The following FAM53A variants were observed in gnomAD, a reference collection of about 807,000 sequenced individuals.
FAM53A encodes the protein family with sequence similarity 53 member A.
Under a neutral mutation model 26.6 loss-of-function variants are expected in FAM53A, and 28 were observed. That is an observed-to-expected ratio of 1.05 (90% CI 0.78 to 1.45). The LOEUF is 1.45. FAM53A is among the 40% of genes most tolerant of loss of function. FAM53A has a pLI of 0.00. For synonymous variants in FAM53A, 290 were observed against 253.1 expected, an observed-to-expected ratio of 1.15 and a Z score of -1.38; for missense variants, 650 against 575.8, an observed-to-expected ratio of 1.13 and a Z score of -1.32.
downstream of FAM53A, among the ~76,000 whole-genome samples, chr4:1,635,290 T>C (rs1341369841): frequency 1.3e-5 from 2 of 152,146 alleles, no homozygotes; most frequent in Non-Finnish European, 2.9e-5. Context: ...TTTTGTTTTT[T>C]TGAGACAGGG....
At chr4:1,609,123 G>A in the FAM53A span, among the ~76,000 whole-genome samples, 1 of 152,114 alleles carries the variant, frequency 6.6e-6, no homozygotes, top group African/African-American at 2.4e-5. Context: ...CTCTGGGAGA[G>A]AGGGCTGTCC....
At position 1,661,236 on chromosome 4, in the gene FAM53A, C is replaced by T. The variant is rs375818960; in HGVS notation, c.76-3768G>A. ...CCAGGCTCCCACCCTCACAGGCTCCCACGGCCATGGGAACCTCCACCTGGC... is the reference window on the plus strand; with the variant it reads ...CCAGGCTCCCACCCTCACAGGCTCCTACGGCCATGGGAACCTCCACCTGGC... On this transcript the variant is annotated intron_variant, in intron 2 of 4. Coordinates refer to ENST00000308132, the MANE Select transcript of FAM53A (RefSeq NM_001174070.3). Among the ~76,000 whole-genome samples the T allele has an allele frequency of 6.3e-4, 96 of 152,274 alleles. 1 individual carries two copies. Among genetic ancestry groups the T allele is most frequent in the Middle Eastern group, 3.4e-3 (1 of 294 alleles).
upstream of FAM53A, among the ~76,000 whole-genome samples, chr4:1,685,778 G>C (rs1649066390): frequency 6.6e-6 from 1 of 152,174 alleles, no homozygotes. Flanking sequence ...GTGCTGGCCA[G>C]GTTACCCAAA....
chr4:1,609,759 T>G, the FAM53A span, among the ~76,000 whole-genome samples: 10 of 151,884 alleles, frequency 6.6e-5, no homozygotes, highest in Non-Finnish European at 2.9e-5. Flanking sequence ...GGTCAGGAGT[T>G]CAAGACCAGC....
chr4:1,616,204 C>A (rs1290165869), downstream of FAM53A, among the ~76,000 whole-genome samples: 3 of 152,188 alleles, frequency 2.0e-5, no homozygotes, highest in Non-Finnish European at 4.4e-5. Flanking sequence ...CAAAATAAAA[C>A]CACAAAATGA....
chr4:1,594,424 C>T, the FAM53A span, among the ~76,000 whole-genome samples: 182 of 152,242 alleles, frequency 1.2e-3, no homozygotes, highest in Non-Finnish European at 2.1e-3. Flanking sequence ...AGAGGCACTG[C>T]CCCCCGGGGT....
chr4:1,642,646 C>T (rs978787636), intron 4 of FAM53A, among the ~76,000 whole-genome samples: 1 of 152,162 alleles, frequency 6.6e-6, no homozygotes, highest in East Asian at 1.9e-4. Context: ...AGGGCACCAG[C>T]CCCTCAGCAC....
At chr4:1,673,206 G>A (rs1223162976) in intron 1 of FAM53A, among the ~76,000 whole-genome samples, 1 of 152,152 alleles carries the variant, frequency 6.6e-6, no homozygotes, top group Non-Finnish European at 1.5e-5. Context: ...CCAGACTGGA[G>A]GGGGTCCCAA....
intron 1 of FAM53A, among the ~76,000 whole-genome samples, chr4:1,619,947 C>A (rs144175110): frequency 2.0e-5 from 3 of 152,202 alleles, no homozygotes; most frequent in Non-Finnish European, 4.4e-5. Flanking sequence ...TGGTGGCTCA[C>A]GCCTGTAATC....
the FAM53A span, among the ~76,000 whole-genome samples, chr4:1,610,890 G>A: frequency 7.9e-5 from 12 of 152,118 alleles, no homozygotes; most frequent in East Asian, 7.7e-4. Context: ...TTCTGCCCCC[G>A]ACTCACCCCT....
chr4:1,615,346 C>T (rs55987519), downstream of FAM53A, among the ~76,000 whole-genome samples: 1,507 of 126,824 alleles, frequency 0.012, 22 homozygotes, highest in African/African-American at 0.051. Context: ...AGACAGGATG[C>T]GGCCACGCCC....
chr4:1,584,804 A>G, the FAM53A span, among the ~76,000 whole-genome samples: 1 of 152,264 alleles, frequency 6.6e-6, no homozygotes, highest in Non-Finnish European at 1.5e-5. Context: ...CAGAGGCTGC[A>G]TGGCCTTCTC....
the FAM53A span, among the ~76,000 whole-genome samples, chr4:1,586,106 A>G: frequency 2.6e-5 from 4 of 152,264 alleles, no homozygotes; most frequent in East Asian, 3.9e-4. Context: ...TCATCTGTCA[A>G]TGGATACTTA....
intron 2 of FAM53A, 108 bp from the exon 3 acceptor site, chr4:1,657,576 T>A: frequency 1.1e-6 from 1 of 901,098 alleles, no homozygotes. Flanking sequence ...CAGTGTTTTC[T>A]TTCTAGTGAT....
At chr4:1,645,904 TG>T (rs1210795009) in intron 4 of FAM53A, among the ~76,000 whole-genome samples, 1 of 152,168 alleles carries the variant, frequency 6.6e-6, no homozygotes, top group East Asian at 1.9e-4. Flanking sequence ...TGTTGGGAGT[TG>T]ATCAGGTCCT....
the FAM53A span, among the ~76,000 whole-genome samples, chr4:1,601,357 C>A: frequency 8.8e-6 from 1 of 113,228 alleles, no homozygotes; most frequent in African/African-American, 2.8e-5. Flanking sequence ...CTCTTCCGGA[C>A]ACACCACCCT....
chr4:1,633,952 C>A (rs1715725566), intron 1 of FAM53A, among the ~76,000 whole-genome samples: 1 of 152,162 alleles, frequency 6.6e-6, no homozygotes, highest in Admixed American at 6.5e-5. Flanking sequence ...AACGCAGAAC[C>A]CACCATTCAG....
intron 2 of FAM53A, among the ~76,000 whole-genome samples, chr4:1,662,002 G>A (rs77344272): frequency 2.2e-3 from 330 of 152,146 alleles, no homozygotes; most frequent in African/African-American, 7.6e-3. Context: ...CTCTCGAGAT[G>A]ACAGAATGAC....
At chr4:1,590,877 A>G in the FAM53A span, among the ~76,000 whole-genome samples, 1 of 148,862 alleles carries the variant, frequency 6.7e-6, no homozygotes, top group South Asian at 2.1e-4. Context: ...ATTCTAAATA[A>G]CACAGTTTAG....
Sources: allele counts gnomAD v4.1 joint callset (sites outside exome capture counted in the v4.1 genomes callset), GRCh38; gene constraint gnomAD v4.1.1; transcripts MANE v1.5; gene names NCBI Gene and HGNC (gene_info 2026-07-23, HGNC 2026-07-21).